Variants in ZC3H12B observed in about 807,000 individuals in gnomAD.
ZC3H12B encodes the protein probable ribonuclease ZC3H12B.
A neutral mutation model predicts 43.9 loss-of-function variants in ZC3H12B; 7 were observed. The ratio of observed to expected loss-of-function variants is 0.16; its 90% CI spans 0.09 to 0.30. The LOEUF is 0.30. Ranked by LOEUF, ZC3H12B falls within the 10% of genes least tolerant of loss-of-function variation. ZC3H12B has a pLI of 1.00. For synonymous variants in ZC3H12B, 222 were observed against 241.7 expected, an observed-to-expected ratio of 0.92 and a Z score of 0.76; for missense variants, 475 against 670.2, an observed-to-expected ratio of 0.71 and a Z score of 3.22.
intron 2 of ZC3H12B, among the ~76,000 whole-genome samples, chrX:65,382,710 T>A (rs2066460866): frequency 9.0e-6 from 1 of 111,582 alleles, no homozygotes. Flanking sequence ...AACCCCATCA[T>A]CTCAGCCAAA....
the ZC3H12B span, among the ~76,000 whole-genome samples, chrX:65,051,561 C>T: frequency 9.0e-6 from 1 of 111,558 alleles, no homozygotes; most frequent in South Asian, 3.7e-4. Context: ...TTAAATTTTG[C>T]AATTTTTAAA....
intron 2 of ZC3H12B, among the ~76,000 whole-genome samples, chrX:65,381,100 G>T (rs1423003765): frequency 9.0e-6 from 1 of 111,142 alleles, no homozygotes; most frequent in Non-Finnish European, 1.9e-5. Flanking sequence ...GCACCAAGCG[G>T]ACCTAATAGA....
the ZC3H12B span, among the ~76,000 whole-genome samples, chrX:65,233,508 A>C: frequency 9.2e-6 from 1 of 108,515 alleles, no homozygotes; most frequent in African/African-American, 3.5e-5. Context: ...CCATTGGGCC[A>C]ATGAAGAAAT....
chrX:65,102,573 G>A, the ZC3H12B span, among the ~76,000 whole-genome samples: 4 of 111,761 alleles, frequency 3.6e-5, no homozygotes, highest in Non-Finnish European at 5.6e-5. Flanking sequence ...AAAATTACAA[G>A]CATTTCTATA....
chrX:65,444,045 G>A lies in ZC3H12B; in HGVS notation n.408-44601G>A, dbSNP rs1036125338. Among the ~76,000 whole-genome samples the A allele has an allele frequency of 6.3e-5, 7 of 111,891 alleles. No homozygotes were observed. In the East Asian group the frequency reaches 1.1e-3, roughly 18 times the overall value. On this transcript the variant is annotated intron_variant and non_coding_transcript_variant, in intron 3 of 5. Transcript: ENST00000617377. ...ATTGAGAATTTACTGCTGTCATTTC[G>A]TTATTTGTTTTCTGCTCATTTAGTG...
chrX:65,212,583 T>C, the ZC3H12B span, among the ~76,000 whole-genome samples: 4 of 81,261 alleles, frequency 4.9e-5, no homozygotes, highest in Non-Finnish European at 8.8e-5. Flanking sequence ...TTATACAGTA[T>C]ATATTATATA....
the ZC3H12B span, among the ~76,000 whole-genome samples, chrX:65,069,301 G>A: frequency 3.8e-5 from 4 of 104,250 alleles, no homozygotes; most frequent in South Asian, 4.4e-4. Context: ...TCTCGTAGGC[G>A]TGCTTCATCA....
chrX:65,382,628 AAGGGTATTCAATT>A (rs1415834017), intron 2 of ZC3H12B, among the ~76,000 whole-genome samples: 1 of 111,493 alleles, frequency 9.0e-6, no homozygotes, highest in Admixed American at 9.6e-5. Context: ...GAAGGAAATA[AAGGGTATTCAATT>A]AGGAAAAGAG....
chrX:65,502,078 T>C, exon 5 of ZC3H12B: 1 of 1,211,359 alleles, frequency 8.3e-7, no homozygotes, highest in Non-Finnish European at 1.1e-6. Context: ...CTGAGGCTAG[T>C]TCTGTCCCCT....
At chrX:65,037,925 A>G in the ZC3H12B span, among the ~76,000 whole-genome samples, 1 of 111,038 alleles carries the variant, frequency 9.0e-6, no homozygotes, top group African/African-American at 3.3e-5. Flanking sequence ...CATGTTATTA[A>G]TGTATATATT....
At chrX:65,232,676 G>A in the ZC3H12B span, among the ~76,000 whole-genome samples, 1 of 111,397 alleles carries the variant, frequency 9.0e-6, no homozygotes, top group South Asian at 3.7e-4. Context: ...CAAGAAGGAA[G>A]GAAGAGAGTG....
At chrX:65,159,576 T>A in the ZC3H12B span, among the ~76,000 whole-genome samples, 2 of 111,796 alleles carry the variant, frequency 1.8e-5, no homozygotes, top group African/African-American at 6.5e-5. Context: ...CTGTTATTGG[T>A]GTGTAAGAAT....
chrX:65,408,237 G>A, intron 3 of ZC3H12B: 1 of 1,181,891 alleles, frequency 8.5e-7, no homozygotes, highest in South Asian at 1.8e-5. Flanking sequence ...TAACCGGCAA[G>A]TGAAAAGACA....
chrX:65,271,714 G>A, the ZC3H12B span: 1 of 116,759 alleles, frequency 8.6e-6, no homozygotes, highest in Admixed American at 9.1e-5. Context: ...TGGATCTTAG[G>A]GATATTAAAA....
the ZC3H12B span, among the ~76,000 whole-genome samples, chrX:65,049,773 T>C: frequency 8.9e-6 from 1 of 111,781 alleles, no homozygotes; most frequent in African/African-American, 3.2e-5. Context: ...ATGGACATTT[T>C]AACATTATTA....
chrX:65,109,956 C>A, the ZC3H12B span, among the ~76,000 whole-genome samples: 3 of 111,441 alleles, frequency 2.7e-5, no homozygotes, highest in Non-Finnish European at 5.7e-5. Context: ...TGCTGAGCAT[C>A]TTTTCCTGTG....
At chrX:65,197,265 T>C in the ZC3H12B span, among the ~76,000 whole-genome samples, 1 of 111,960 alleles carries the variant, frequency 8.9e-6, no homozygotes, top group Non-Finnish European at 1.9e-5. Context: ...AGCTGCGCCT[T>C]TACAAACCTA....
chrX:65,361,998 A>G (rs1291485930), upstream of ZC3H12B, among the ~76,000 whole-genome samples: 1 of 112,351 alleles, frequency 8.9e-6, no homozygotes, highest in African/African-American at 3.2e-5. Context: ...TTCAAGTGCC[A>G]GAAATCTGGC....
the ZC3H12B span, among the ~76,000 whole-genome samples, chrX:65,337,744 T>A: frequency 6.2e-5 from 7 of 112,811 alleles, no homozygotes; most frequent in Non-Finnish European, 1.1e-4. Flanking sequence ...ATAAAAGATC[T>A]TTTTGAAAAT....
Sources: allele counts gnomAD v4.1 joint callset (sites outside exome capture counted in the v4.1 genomes callset), GRCh38; gene constraint gnomAD v4.1.1; transcripts MANE v1.5; gene names NCBI Gene and HGNC (gene_info 2026-07-23, HGNC 2026-07-21).